The following IQSEC1 variants were observed in gnomAD, a reference collection of about 807,000 sequenced individuals.
IQSEC1 encodes IQ motif and SEC7 domain-containing protein 1.
IQSEC1 carries 31 observed loss-of-function variants against 91.0 expected under a neutral mutation model. The observed-to-expected ratio is 0.34, with a 90% CI of 0.26 to 0.46. The LOEUF (loss-of-function observed/expected upper bound fraction) is 0.46. Ranked by LOEUF, IQSEC1 falls within the 20% of genes least tolerant of loss-of-function variation. IQSEC1 has a pLI of 1.00. For synonymous variants in IQSEC1, 699 were observed against 662.6 expected (o/e 1.05, Z -0.84); for missense variants, 1,388 against 1,575.6 (o/e 0.88, Z 2.02).
chr3:13,250,412 C>T (rs1695173851), intron 1 of IQSEC1, among the ~76,000 whole-genome samples: 2 of 149,890 alleles, frequency 1.3e-5, no homozygotes, highest in Admixed American at 1.3e-4. Context: ...GCTATCAGCC[C>T]CACTTTCCTT....
At chr3:12,973,508 AG>A in intron 1 of IQSEC1, among the ~76,000 whole-genome samples, 1 of 152,188 alleles carries the variant, frequency 6.6e-6, no homozygotes, top group Non-Finnish European at 1.5e-5. Flanking sequence ...GGTGGGGCCC[AG>A]ACACTGCCAT....
At chr3:13,053,299 G>T (rs1704758277) in intron 1 of IQSEC1, among the ~76,000 whole-genome samples, 1 of 152,218 alleles carries the variant, frequency 6.6e-6, no homozygotes, top group Non-Finnish European at 1.5e-5. Context: ...TGCTTCAGAA[G>T]CTCCCAAACC....
At chr3:12,941,013 A>C (rs1698697072) in intron 2 of IQSEC1, among the ~76,000 whole-genome samples, 1 of 152,174 alleles carries the variant, frequency 6.6e-6, no homozygotes, top group South Asian at 2.1e-4. Context: ...GGAGGGGTGC[A>C]GTCTTCAATG....
At position 13,175,052 on chromosome 3, in the gene IQSEC1, C is replaced by A. The variant is rs577661901; in HGVS notation, c.273-10919G>T. 6.6e-5 allele frequency among the ~76,000 whole-genome samples: 10 copies of A among 152,270 alleles called. No individual in the cohort carries two copies. The South Asian group carries it at 1.9e-3, about 28-fold the overall frequency. On this transcript the variant is annotated intron_variant, in intron 1 of 15. Transcript: ENST00000648114. ...CAGCAAGGTCATCCCTGACCACCTGCCTCACACATACCCAGACCCACCAGG... is the reference window on the plus strand; with the variant it reads ...CAGCAAGGTCATCCCTGACCACCTGACTCACACATACCCAGACCCACCAGG...
chr3:13,246,859 G>C (rs1376720134), intron 1 of IQSEC1, among the ~76,000 whole-genome samples: 2 of 152,202 alleles, frequency 1.3e-5, no homozygotes, highest in Non-Finnish European at 2.9e-5. Context: ...CTGGATGGGG[G>C]ACACAGCTGG....
At chr3:13,195,968 C>CTGTATGTATTA (rs1694117080) in intron 1 of IQSEC1, among the ~76,000 whole-genome samples, 2 of 152,186 alleles carry the variant, frequency 1.3e-5, no homozygotes, top group Admixed American at 6.5e-5. Context: ...TGTATTATTT[C>CTGTATGTATTA]TTATGACTAC....
At chr3:12,997,684 C>T (rs898442521) in intron 1 of IQSEC1, among the ~76,000 whole-genome samples, 4 of 152,182 alleles carry the variant, frequency 2.6e-5, no homozygotes, top group Non-Finnish European at 5.9e-5. Flanking sequence ...ACACTGCAGG[C>T]ACTTAATCAC....
chr3:13,089,836 G>A (rs1705806433), intron 2 of IQSEC1, among the ~76,000 whole-genome samples: 1 of 152,198 alleles, frequency 6.6e-6, no homozygotes, highest in African/African-American at 2.4e-5. Flanking sequence ...CTGGAGTGAT[G>A]AAAATGTTTT....
chr3:13,200,812 C>T lies in IQSEC1; in HGVS notation c.273-36679G>A, dbSNP rs190739375. 2.3e-3 allele frequency among the ~76,000 whole-genome samples: 345 copies of T among 152,280 alleles called. 1 individual carries two copies. The highest frequency in any genetic ancestry group is 8.1e-3 in the African/African-American group (336 of 41,538). On this transcript the variant is annotated intron_variant, in intron 1 of 15. Transcript: ENST00000648114. ...ACTGCCTTGCTGTTTTGACTCTGGG[C>T]GAGTCACTAAACCTCTCTGTGCTTC...
At chr3:13,265,464 G>A (rs912929214) in intron 1 of IQSEC1, among the ~76,000 whole-genome samples, 4 of 152,188 alleles carry the variant, frequency 2.6e-5, no homozygotes, top group South Asian at 2.1e-4. Context: ...AATCACTCTC[G>A]AGATAACCTT....
chr3:13,113,952 G>C (rs1300765160), intron 2 of IQSEC1, among the ~76,000 whole-genome samples: 1 of 152,274 alleles, frequency 6.6e-6, no homozygotes, highest in Non-Finnish European at 1.5e-5. Flanking sequence ...AAAACGTGCT[G>C]GGAGCACAGA....
chr3:12,987,634 A>G (rs920457615), intron 1 of IQSEC1, among the ~76,000 whole-genome samples: 2 of 152,244 alleles, frequency 1.3e-5, no homozygotes, highest in African/African-American at 4.8e-5. Context: ...TTATCCCAAC[A>G]CCCTGTAAAG....
At chr3:12,986,223 A>G (rs1032997063) in intron 1 of IQSEC1, among the ~76,000 whole-genome samples, 1 of 152,042 alleles carries the variant, frequency 6.6e-6, no homozygotes, top group Non-Finnish European at 1.5e-5. Context: ...CTGGGCTGGG[A>G]GCTGGGCTGG....
intron 1 of IQSEC1, among the ~76,000 whole-genome samples, chr3:13,208,900 T>C (rs764050278): frequency 3.3e-5 from 5 of 152,192 alleles, no homozygotes; most frequent in Non-Finnish European, 7.3e-5. Flanking sequence ...AGGCCACGTC[T>C]GAAGTCAGGG....
chr3:13,244,295 C>T (rs1185027958), intron 1 of IQSEC1, among the ~76,000 whole-genome samples: 2 of 152,158 alleles, frequency 1.3e-5, no homozygotes, highest in Admixed American at 6.5e-5. Flanking sequence ...CAGATTCGAG[C>T]GATTCTCCTG....
At chr3:13,257,067 T>G (rs140120930) in intron 1 of IQSEC1, among the ~76,000 whole-genome samples, 1 of 152,196 alleles carries the variant, frequency 6.6e-6, no homozygotes, top group Non-Finnish European at 1.5e-5. Flanking sequence ...GGTGCTGCCA[T>G]GAGGATTAAG....
intron 2 of IQSEC1, among the ~76,000 whole-genome samples, chr3:13,140,686 C>T (rs1487112868): frequency 6.6e-6 from 1 of 152,204 alleles, no homozygotes; most frequent in East Asian, 1.9e-4. Context: ...CGCGCCCCAG[C>T]ACAGGGAGCA....
chr3:13,104,951 A>C (rs1052008581), intron 2 of IQSEC1, among the ~76,000 whole-genome samples: 6 of 152,248 alleles, frequency 3.9e-5, no homozygotes, highest in African/African-American at 1.4e-4. Context: ...GAGAAGACGA[A>C]GCCCAGTGTT....
chr3:13,236,053 G>C (rs146503229), intron 1 of IQSEC1, among the ~76,000 whole-genome samples: 21 of 152,202 alleles, frequency 1.4e-4, no homozygotes, highest in Admixed American at 3.3e-4. Context: ...GGGGCCTTAC[G>C]AGATAGATGT....
Sources: allele counts gnomAD v4.1 joint callset (sites outside exome capture counted in the v4.1 genomes callset), GRCh38; gene constraint gnomAD v4.1.1; transcripts MANE v1.5; gene names NCBI Gene and HGNC (gene_info 2026-07-23, HGNC 2026-07-21).